The following RGS3 variants were observed in gnomAD, a reference collection of about 807,000 sequenced individuals.
RGS3 encodes the protein regulator of G protein signaling 3, also known as regulator of G-protein signalling 3.
In RGS3, 80 loss-of-function variants were observed where a neutral mutation model predicts 132.6. The observed-to-expected ratio is 0.60, with a 90% confidence interval of 0.50 to 0.73. The LOEUF (loss-of-function observed/expected upper bound fraction) is 0.73, where lower values mean the gene tolerates loss of function less well. Ranked by LOEUF, RGS3 falls within the 30% of genes least tolerant of loss-of-function variation. The probability of loss-of-function intolerance (pLI) is 0.00; values close to 1 mark genes in which losing one functional copy is unlikely to be tolerated. For synonymous variants in RGS3, 598 were observed against 620.6 expected (o/e 0.96, Z 0.54); for missense variants, 1,382 against 1,530.8 (o/e 0.90, Z 1.62).
At chr9:113,522,935 A>G in exon 17 of RGS3, 1 of 1,611,226 alleles carries the variant, frequency 6.2e-7, no homozygotes, top group Non-Finnish European at 8.5e-7. Context: ...CCCAGGTGAC[A>G]CTGTTTGCCT....
chr9:113,514,667 C>A lies in RGS3; in HGVS notation c.1674+13C>A. ...TGTCTTTGTTCAGGTGAGCCCGTGG[C>A]TGGTCTTAAAGGTTCCCTCAGGAGG... On this transcript the variant is annotated intron_variant, in intron 15 of 24. Coordinates refer to ENST00000350696, the Ensembl canonical transcript of RGS3. 6.2e-7 allele frequency: 1 copy of A among 1,612,064 alleles called. No individual in the cohort carries two copies. The highest frequency in any genetic ancestry group is 8.5e-7 in the Non-Finnish European group (1 of 1,179,414).
intron 19 of RGS3, among the ~76,000 whole-genome samples, chr9:113,573,048 G>A (rs1298335369): frequency 6.6e-6 from 1 of 152,200 alleles, no homozygotes; most frequent in Non-Finnish European, 1.5e-5. Context: ...CACTTACTAG[G>A]TGCCAGGCCC....
chr9:113,522,671 C>G (rs772645531), intron 16 of RGS3: 50 of 486,294 alleles, frequency 1.0e-4, no homozygotes, highest in Non-Finnish European at 1.8e-4. Context: ...GTGAGGGCCA[C>G]TTTTCCCCTT....
chr9:113,589,517 G>A (rs928797206), intron 20 of RGS3, among the ~76,000 whole-genome samples: 18 of 152,202 alleles, frequency 1.2e-4, no homozygotes, highest in African/African-American at 4.1e-4. Flanking sequence ...TCCCAGCAGC[G>A]CAGAGGCTGA....
chr9:113,542,642 C>G (rs560882662), intron 19 of RGS3, among the ~76,000 whole-genome samples: 1 of 152,274 alleles, frequency 6.6e-6, no homozygotes, highest in Non-Finnish European at 1.5e-5. Flanking sequence ...TTAGGACCTT[C>G]CCCACAGAGC....
intron 16 of RGS3, among the ~76,000 whole-genome samples, chr9:113,519,419 C>T (rs1466132017): frequency 6.9e-6 from 1 of 145,984 alleles, no homozygotes; most frequent in Non-Finnish European, 1.5e-5. Context: ...AATTTGAAGA[C>T]AAGTAAAATA....
rs992985964 is a variant in RGS3 at position 113,579,184 on chromosome 9, C to G, written c.2038-4266C>G. ...GAGCTGCAGGTTGTCCCTGGGTCAG[C>G]AAACCTGGCTGCTCAGTGAGTAGCT... On this transcript the variant is annotated intron_variant, in intron 19 of 24. Coordinates refer to ENST00000350696, the Ensembl canonical transcript of RGS3. The surrounding 1 kb of genome is among the most constrained non-coding windows in gnomAD (Gnocchi z 4.3). 2.0e-5 allele frequency among the ~76,000 whole-genome samples: 3 copies of G among 152,184 alleles called. No individual in the cohort carries two copies. The highest frequency in any genetic ancestry group is 4.8e-5 in the African/African-American group (2 of 41,442).
chr9:113,531,941 T>C (rs144517899), intron 18 of RGS3, among the ~76,000 whole-genome samples: 18 of 152,344 alleles, frequency 1.2e-4, no homozygotes, highest in Admixed American at 3.3e-4. Flanking sequence ...AAAGATACAG[T>C]TAATTCAGGA....
chr9:113,491,498 G>T (rs911655947), intron 7 of RGS3, among the ~76,000 whole-genome samples: 1 of 151,774 alleles, frequency 6.6e-6, no homozygotes, highest in African/African-American at 2.4e-5. Flanking sequence ...TGATCCACCC[G>T]CCTTGGCCTC....
intron 1 of RGS3, among the ~76,000 whole-genome samples, chr9:113,447,848 C>CT (rs1350413411): frequency 0.019 from 2,485 of 129,446 alleles, 32 homozygotes; most frequent in Non-Finnish European, 0.027. Flanking sequence ...TACCCCTAGT[C>CT]TTTTTTTTTT....
chr9:113,487,381 G>A (rs955498550), intron 7 of RGS3, among the ~76,000 whole-genome samples: 3 of 152,102 alleles, frequency 2.0e-5, no homozygotes, highest in Non-Finnish European at 4.4e-5. Context: ...AAAGTGCTGG[G>A]ATTACAGGCG....
intron 19 of RGS3, among the ~76,000 whole-genome samples, chr9:113,551,775 CT>C (rs1833350892): frequency 6.6e-6 from 1 of 152,186 alleles, no homozygotes; most frequent in African/African-American, 2.4e-5. Context: ...AGGAGAATTG[CT>C]TGAACCTGGG....
intron 19 of RGS3, chr9:113,541,865 A>T (rs1244049045): frequency 1.0e-6 from 1 of 986,458 alleles, no homozygotes; most frequent in Non-Finnish European, 1.2e-6. Flanking sequence ...ACATTGGCTC[A>T]TTCATTCGAT....
intron 17 of RGS3, among the ~76,000 whole-genome samples, chr9:113,526,548 T>C (rs891307266): frequency 6.6e-6 from 1 of 152,204 alleles, no homozygotes; most frequent in Non-Finnish European, 1.5e-5. Context: ...TCTCCCTCCC[T>C]GGGCCTCAGT....
chr9:113,484,964 A>G (rs1213528790), intron 6 of RGS3, among the ~76,000 whole-genome samples: 2 of 152,122 alleles, frequency 1.3e-5, no homozygotes, highest in African/African-American at 4.8e-5. Context: ...GCCCTACTGT[A>G]TTTCTTTTCA....
In RGS3 at chr9:113,595,768, A is replaced by G; in HGVS notation, c.3411+3A>G. ...TCGCGATCCAGGCATGCAAGGAGGTAGGACCTCAGGGCAGACCCTCCGCTC... is the reference window on the plus strand; with the variant it reads ...TCGCGATCCAGGCATGCAAGGAGGTGGGACCTCAGGGCAGACCCTCCGCTC... On this transcript the variant is annotated splice_donor_region_variant and intron_variant, in intron 24 of 24. Transcript: ENST00000350696. 1 of 1,613,508 alleles carries G rather than the reference A, an allele frequency of 6.2e-7. No homozygotes were observed.
At chr9:113,512,494 G>A (rs1434619120) in intron 14 of RGS3, among the ~76,000 whole-genome samples, 1 of 152,118 alleles carries the variant, frequency 6.6e-6, no homozygotes, top group South Asian at 2.1e-4. Context: ...TCAGGGGCAC[G>A]GGGGGAGTCA....
rs7870265 is a variant in RGS3, at chr9:113,507,240, T to G, written c.1086-47T>G. ...TGTGGGCCCTCACTCTGGCTGATAC[T>G]GGCTTTCCCCAGGCTCAACCTGTCT... On this transcript the variant is annotated intron_variant, in intron 12 of 24. Coordinates refer to ENST00000350696, the Ensembl canonical transcript of RGS3. This position sits in a 1 kb window ranked among gnomAD's most constrained non-coding sequence, Gnocchi z 5.0. 0.13 allele frequency: 190,447 copies of G among 1,504,058 alleles called. 13,156 individuals are homozygous for G. The highest frequency in any genetic ancestry group is 0.2 in the African/African-American group (14,508 of 73,394). The allele number at this position is 1,504,058 out of a possible 1,614,324, so 93.2% of individuals were successfully genotyped here. A position where few individuals can be genotyped will look rare whatever the true frequency, so the allele number is the denominator to read the frequency against.
intron 3 of RGS3, among the ~76,000 whole-genome samples, chr9:113,468,732 G>A (rs12682709): frequency 6.6e-6 from 1 of 152,136 alleles, no homozygotes; most frequent in Non-Finnish European, 1.5e-5. Context: ...GGGATCTCTA[G>A]TCACCTGGAT....
Sources: gnomAD v4.1 joint callset for allele counts (sites outside exome capture counted in the v4.1 genomes callset) on GRCh38, gnomAD v4.1.1 for gene constraint, Gnocchi (gnomAD v3.1) non-coding constraint, MANE v1.5 for transcripts, NCBI Gene and HGNC (gene_info 2026-07-23, HGNC 2026-07-21) for gene names.